Variants in NDRG3 observed in about 807,000 individuals in gnomAD.
NDRG3 encodes NDRG family member 3.
In NDRG3, 23 loss-of-function variants were observed where a neutral mutation model predicts 57.2. That is an observed-to-expected ratio of 0.40 (90% CI 0.29 to 0.57). The LOEUF is 0.57. NDRG3 is among the 20% of genes least tolerant of loss of function. NDRG3 has a pLI of 0.42. For synonymous variants in NDRG3, 132 were observed against 162.6 expected (o/e 0.81, Z 1.43); for missense variants, 384 against 457.3 (o/e 0.84, Z 1.46).
chr20:36,671,530 C>A, intron 8 of NDRG3, 133 bp from the exon 9 acceptor site: 1 of 636,474 alleles, frequency 1.6e-6, no homozygotes, highest in Non-Finnish European at 2.7e-6. Flanking sequence ...TGGCCAGGTG[C>A]GATGGCTCAC....
chr20:36,694,781 A>C (rs1204931369), intron 3 of NDRG3, among the ~76,000 whole-genome samples: 2 of 152,018 alleles, frequency 1.3e-5, no homozygotes, highest in Non-Finnish European at 2.9e-5. Context: ...TTTTTGAGAC[A>C]GGGTCTCATT....
chr20:36,667,049 T>C (rs1979694208), intron 9 of NDRG3, among the ~76,000 whole-genome samples: 1 of 152,198 alleles, frequency 6.6e-6, no homozygotes, highest in African/African-American at 2.4e-5. Flanking sequence ...TTGGCCATGC[T>C]GGTCTTGAAC....
At chr20:36,741,958 T>C (rs6129628) in intron 1 of NDRG3, among the ~76,000 whole-genome samples, 6,420 of 152,300 alleles carry the variant, frequency 0.042, 279 homozygotes, top group East Asian at 0.16. Context: ...CCGTTAAACA[T>C]GGCAGGCACT....
At chr20:36,719,667 AC>A (rs1210580455) in intron 2 of NDRG3, among the ~76,000 whole-genome samples, 1 of 147,100 alleles carries the variant, frequency 6.8e-6, no homozygotes, top group Non-Finnish European at 1.5e-5. Context: ...TCACCCGCAC[AC>A]CCCCCCTCCC....
chr20:36,684,199 C>T (rs1981578316), intron 6 of NDRG3, among the ~76,000 whole-genome samples: 1 of 152,166 alleles, frequency 6.6e-6, no homozygotes, highest in Non-Finnish European at 1.5e-5. Flanking sequence ...ACTTGCCTTA[C>T]TAATGTAGAT....
intron 3 of NDRG3, among the ~76,000 whole-genome samples, chr20:36,693,144 A>ATATATG (rs1982465936): frequency 4.9e-5 from 2 of 41,194 alleles, no homozygotes; most frequent in Admixed American, 3.4e-4. Context: ...ATATATATAC[A>ATATATG]CACACACACA....
At chr20:36,739,133 TCAAAA>T (rs1985773194) in intron 1 of NDRG3, among the ~76,000 whole-genome samples, 2 of 31,526 alleles carry the variant, frequency 6.3e-5, no homozygotes, top group African/African-American at 2.6e-4. Context: ...AGACCCCATC[TCAAAA>T]AAAAAAAAAA....
chr20:36,667,691 G>T (rs1162387673), intron 9 of NDRG3, among the ~76,000 whole-genome samples: 6 of 152,128 alleles, frequency 3.9e-5, no homozygotes, highest in African/African-American at 7.2e-5. Context: ...TTGGAGGAAA[G>T]AAATATATCA....
intron 2 of NDRG3, among the ~76,000 whole-genome samples, chr20:36,718,791 G>A (rs770384386): frequency 1.2e-4 from 18 of 151,908 alleles, no homozygotes; most frequent in Admixed American, 2.0e-4. Flanking sequence ...AGTGATCCTC[G>A]CAGCTCAGCC....
chr20:36,697,963 C>CTTTTTTTTTTT (rs1026025529), intron 3 of NDRG3, among the ~76,000 whole-genome samples: 2 of 123,016 alleles, frequency 1.6e-5, no homozygotes, highest in African/African-American at 3.0e-5. Context: ...TTTCTTTTTT[C>CTTTTTTTTTTT]TTTTTTTTTT....
chr20:36,693,177 CATAT>C lies in NDRG3; in HGVS notation c.94-4397_94-4394del, dbSNP rs1254753875. Among the ~76,000 whole-genome samples, 4 of 105,252 alleles carry C rather than the reference CATAT, an allele frequency of 3.8e-5. No individual in the cohort carries two copies. The East Asian group carries it at 1.2e-3, about 31-fold the overall frequency. 69.0% of individuals were successfully genotyped at this position (105,252 alleles called of 152,430 possible). ...ACATATACACATATATATATACACACATATATATATACACACACACATATATATG... is the reference window on the plus strand; with the variant it reads ...ACATATACACATATATATATACACACATATATACACACACACATATATATG... On this transcript the variant is annotated intron_variant, in intron 3 of 15. Coordinates refer to ENST00000349004, the MANE Select transcript of NDRG3 (RefSeq NM_032013.4).
At chr20:36,666,678 T>G (rs909350735) in intron 9 of NDRG3, among the ~76,000 whole-genome samples, 1 of 152,186 alleles carries the variant, frequency 6.6e-6, no homozygotes, top group African/African-American at 2.4e-5. Context: ...CCCTGATTTC[T>G]TTGTATGTTT....
chr20:36,653,824 G>T lies in NDRG3; in HGVS notation c.947-123C>A. The T allele has an allele frequency of 1.2e-6, 1 of 822,334 alleles. No individual in the cohort carries two copies. Among genetic ancestry groups the T allele is most frequent in the Non-Finnish European group, 1.9e-6 (1 of 531,072 alleles). 50.9% of individuals were successfully genotyped at this position (822,334 alleles called of 1,614,324 possible). On this transcript the variant is annotated intron_variant, in intron 15 of 15. Transcript: ENST00000349004. This position sits in a 1 kb window ranked among gnomAD's most constrained non-coding sequence, Gnocchi z 4.2. ...TCATTTACCATGACACCCAGGACAA[G>T]ATATAGCCATCCCCATTTTGTATCA...
At chr20:36,720,281 T>C (rs1984518491) in intron 2 of NDRG3, among the ~76,000 whole-genome samples, 1 of 151,732 alleles carries the variant, frequency 6.6e-6, no homozygotes, top group Admixed American at 6.6e-5. Context: ...CAAGTGATTC[T>C]CCTGCCTCAG....
chr20:36,693,168 A>T (rs139394198), intron 3 of NDRG3, among the ~76,000 whole-genome samples: 3,338 of 132,922 alleles, frequency 0.025, 80 homozygotes, highest in South Asian at 0.06. Context: ...ACACATATAT[A>T]TATACACACA....
chr20:36,684,085 G>C (rs904843115), intron 6 of NDRG3, among the ~76,000 whole-genome samples: 1 of 152,122 alleles, frequency 6.6e-6, no homozygotes, highest in Admixed American at 6.6e-5. Flanking sequence ...GCCTTGAACT[G>C]CTGTTGTTAA....
intron 8 of NDRG3, among the ~76,000 whole-genome samples, chr20:36,679,393 G>A (rs1981042835): frequency 6.6e-6 from 1 of 152,112 alleles, no homozygotes; most frequent in Non-Finnish European, 1.5e-5. Context: ...AAAGACATAA[G>A]GAATATGCAC....
intron 3 of NDRG3, among the ~76,000 whole-genome samples, chr20:36,694,731 T>C (rs1006139887): frequency 6.6e-5 from 10 of 152,196 alleles, no homozygotes; most frequent in South Asian, 6.2e-4. Flanking sequence ...TTCAGCTTCA[T>C]GGCTTTCAAG....
At chr20:36,656,132 C>CAAAAA (rs1180409064) in intron 15 of NDRG3, among the ~76,000 whole-genome samples, 3 of 49,212 alleles carry the variant, frequency 6.1e-5, no homozygotes, top group African/African-American at 1.4e-4. Flanking sequence ...GACTCTGTCT[C>CAAAAA]AAAAAAAAAA....
Sources: gnomAD v4.1 joint callset for allele counts (sites outside exome capture counted in the v4.1 genomes callset) on GRCh38, gnomAD v4.1.1 for gene constraint, Gnocchi (gnomAD v3.1) non-coding constraint, MANE v1.5 for transcripts, NCBI Gene and HGNC (gene_info 2026-07-23, HGNC 2026-07-21) for gene names.